Variants in GRIP1 observed in about 807,000 individuals in gnomAD.
GRIP1 encodes glutamate receptor-interacting protein 1.
In GRIP1, 45 loss-of-function variants were observed where a neutral mutation model predicts 129.9. The ratio of observed to expected loss-of-function variants is 0.35; its 90% CI spans 0.27 to 0.44. The LOEUF is 0.44. GRIP1 is among the 20% of genes least tolerant of loss of function. GRIP1 has a pLI of 1.00. For missense variants in GRIP1, 1,196 were observed against 1,396.8 expected, an observed-to-expected ratio of 0.86 and a Z score of 2.29; for synonymous variants, 530 against 520.8, an observed-to-expected ratio of 1.02 and a Z score of -0.24.
At chr12:66,757,625 C>G (rs1380319787) in intron 1 of GRIP1, among the ~76,000 whole-genome samples, 1 of 152,196 alleles carries the variant, frequency 6.6e-6, no homozygotes, top group Non-Finnish European at 1.5e-5. Context: ...AGTTGGATTG[C>G]TGGACCATAT....
chr12:66,410,066 C>A (rs1018036735), intron 15 of GRIP1, among the ~76,000 whole-genome samples: 4 of 148,858 alleles, frequency 2.7e-5, no homozygotes, highest in African/African-American at 9.9e-5. Flanking sequence ...CCGGCTAAAA[C>A]GGTGAAACCC....
chr12:66,611,210 G>A (rs1257801752), intron 1 of GRIP1, among the ~76,000 whole-genome samples: 3 of 152,106 alleles, frequency 2.0e-5, no homozygotes. Flanking sequence ...CCTGAAATAT[G>A]TAAGTACCAC....
At chr12:67,053,523 T>G (rs1021583249) in intron 1 of GRIP1, among the ~76,000 whole-genome samples, 1 of 152,194 alleles carries the variant, frequency 6.6e-6, no homozygotes, top group Non-Finnish European at 1.5e-5. Context: ...ATTCCTCTAC[T>G]GTTTTTCTGC....
At chr12:66,382,848 G>A (rs1248591543) in intron 19 of GRIP1, among the ~76,000 whole-genome samples, 1 of 152,212 alleles carries the variant, frequency 6.6e-6, no homozygotes. Context: ...AGTAGCATGT[G>A]AAAGTGTCAT....
At chr12:66,775,078 A>C (rs987479764) in intron 1 of GRIP1, among the ~76,000 whole-genome samples, 1 of 152,196 alleles carries the variant, frequency 6.6e-6, no homozygotes, top group Admixed American at 6.5e-5. Flanking sequence ...GAAGGCCATA[A>C]GCAGACACAC....
chr12:66,393,356 T>C (rs966719644), intron 17 of GRIP1, among the ~76,000 whole-genome samples: 1 of 151,780 alleles, frequency 6.6e-6, no homozygotes, highest in African/African-American at 2.4e-5. Context: ...TTTTTCTATT[T>C]TTAGTAGAGA....
intron 1 of GRIP1, among the ~76,000 whole-genome samples, chr12:66,735,400 T>G (rs2036562795): frequency 6.6e-6 from 1 of 152,006 alleles, no homozygotes; most frequent in Non-Finnish European, 1.5e-5. Flanking sequence ...AGGAACAAAG[T>G]CACTAAAAGA....
chr12:66,652,869 G>A (rs1469551434), intron 1 of GRIP1, among the ~76,000 whole-genome samples: 1 of 152,210 alleles, frequency 6.6e-6, no homozygotes, highest in Admixed American at 6.5e-5. Flanking sequence ...GCATATGGTG[G>A]AGAGCCAGAT....
intron 2 of GRIP1, among the ~76,000 whole-genome samples, chr12:66,576,313 G>A (rs2063137635): frequency 6.6e-6 from 1 of 152,222 alleles, no homozygotes; most frequent in Non-Finnish European, 1.5e-5. Context: ...CAGCATGCAT[G>A]GGTAAAAGGC....
intron 1 of GRIP1, among the ~76,000 whole-genome samples, chr12:66,614,346 C>A (rs1275611401): frequency 1.3e-5 from 2 of 151,928 alleles, no homozygotes; most frequent in Non-Finnish European, 2.9e-5. Context: ...CCAAACAGAA[C>A]TATTGATTTC....
intron 1 of GRIP1, among the ~76,000 whole-genome samples, chr12:66,828,454 C>G (rs7301821): frequency 0.29 from 44,235 of 152,002 alleles, 6,853 homozygotes; most frequent in Non-Finnish European, 0.35. Flanking sequence ...TATTATGAAC[C>G]AACAGCTCAC....
chr12:66,503,085 G>C (rs188628454), intron 7 of GRIP1, among the ~76,000 whole-genome samples: 130 of 152,222 alleles, frequency 8.5e-4, no homozygotes, highest in African/African-American at 3.0e-3. Context: ...ACCAGGGAGA[G>C]ATAATCTCCT....
At chr12:66,575,679 C>A (rs2063115863) in intron 2 of GRIP1, among the ~76,000 whole-genome samples, 1 of 152,098 alleles carries the variant, frequency 6.6e-6, no homozygotes, top group East Asian at 1.9e-4. Flanking sequence ...GTGTTCAGGA[C>A]AACTAGAAAA....
At chr12:67,041,155 TTC>T (rs889959180) in intron 1 of GRIP1, among the ~76,000 whole-genome samples, 2 of 150,914 alleles carry the variant, frequency 1.3e-5, no homozygotes. Flanking sequence ...ATCTCTCTCT[TTC>T]TCTCTCTCTC....
chr12:66,651,679 T>C (rs1331833594), intron 1 of GRIP1, among the ~76,000 whole-genome samples: 3 of 152,238 alleles, frequency 2.0e-5, no homozygotes, highest in South Asian at 4.1e-4. Context: ...ACTGGCAACA[T>C]GTTAAGTAGA....
chr12:66,437,515 A>G (rs185481028), intron 13 of GRIP1, among the ~76,000 whole-genome samples: 1 of 152,300 alleles, frequency 6.6e-6, no homozygotes, highest in East Asian at 1.9e-4. Context: ...GCAGTGGGAG[A>G]TGAACTTAAC....
intron 1 of GRIP1, among the ~76,000 whole-genome samples, chr12:66,631,081 G>A (rs1041768542): frequency 6.6e-6 from 1 of 152,024 alleles, no homozygotes; most frequent in Non-Finnish European, 1.5e-5. Context: ...GGGATTACAG[G>A]TGCCTGCCAC....
intron 9 of GRIP1, among the ~76,000 whole-genome samples, chr12:66,459,537 A>G (rs1000237665): frequency 6.6e-6 from 1 of 152,222 alleles, no homozygotes; most frequent in Non-Finnish European, 1.5e-5. Flanking sequence ...ACTGTACAGC[A>G]CAATTAATAA....
At chr12:66,553,029 T>C (rs564854287) in intron 2 of GRIP1, among the ~76,000 whole-genome samples, 67 of 152,306 alleles carry the variant, frequency 4.4e-4, no homozygotes, top group African/African-American at 1.6e-3. Flanking sequence ...ACCCTGTATT[T>C]GGCTTTCTCT....
Sources: gnomAD v4.1 joint callset for allele counts (sites outside exome capture counted in the v4.1 genomes callset) on GRCh38, gnomAD v4.1.1 for gene constraint, MANE v1.5 for transcripts, NCBI Gene and HGNC (gene_info 2026-07-23, HGNC 2026-07-21) for gene names.